Variants in LRRK1 observed in about 807,000 individuals in gnomAD.
LRRK1 encodes leucine-rich repeat serine/threonine-protein kinase 1.
In LRRK1, 113 loss-of-function variants were observed where a neutral mutation model predicts 209.1. The ratio of observed to expected loss-of-function variants is 0.54; its 90% confidence interval spans 0.46 to 0.63. LRRK1 has a LOEUF of 0.63. Ranked by LOEUF, LRRK1 falls within the 30% of genes least tolerant of loss-of-function variation. The pLI, the probability that LRRK1 is intolerant of heterozygous loss-of-function variation, is 0.00. For missense variants in LRRK1, 2,284 were observed against 2,632.2 expected, an observed-to-expected ratio of 0.87 and a Z score of 2.89; for synonymous variants, 1,144 against 1,099.7, an observed-to-expected ratio of 1.04 and a Z score of -0.80.
At chr15:101,058,168 C>G (rs546678047) in intron 29 of LRRK1, 27 bp downstream of exon 29, 16 of 1,609,930 alleles carry the variant, frequency 9.9e-6, no homozygotes, top group Admixed American at 6.7e-5. Flanking sequence ...TGCCCTGCCC[C>G]CTTTGTATTT....
intron 26 of LRRK1, among the ~76,000 whole-genome samples, 162 bp downstream of exon 26, chr15:101,053,582 G>A (rs1223428339): frequency 6.6e-6 from 1 of 152,224 alleles, no homozygotes; most frequent in Non-Finnish European, 1.5e-5. Context: ...CAGGCTCCCC[G>A]CCAGGTCCAG....
intron 31 of LRRK1, chr15:101,065,148 T>G: frequency 1.6e-6 from 1 of 609,352 alleles, no homozygotes; most frequent in South Asian, 2.0e-5. Context: ...GCTGCAGGGA[T>G]GGTAGATATG....
intron 29 of LRRK1, among the ~76,000 whole-genome samples, chr15:101,059,782 A>G (rs1012927449): frequency 1.1e-4 from 16 of 152,234 alleles, no homozygotes; most frequent in African/African-American, 3.9e-4. Flanking sequence ...TAGGACCCAG[A>G]CTGTGGTCTC....
intron 20 of LRRK1, among the ~76,000 whole-genome samples, chr15:101,042,236 T>G (rs912790713): frequency 4.7e-5 from 7 of 149,548 alleles, no homozygotes; most frequent in African/African-American, 1.7e-4. Context: ...GACAAGACTT[T>G]TGTTTATATG....
At chr15:101,054,886 T>A (rs2035704028) in intron 26 of LRRK1, 60 bp from the exon 27 acceptor site, 1 of 1,359,934 alleles carries the variant, frequency 7.4e-7, no homozygotes, top group South Asian at 1.4e-5. Flanking sequence ...GTTATCATGA[T>A]AATTTGATTC....
chr15:101,011,161 A>G (rs1233361701), intron 9 of LRRK1, among the ~76,000 whole-genome samples: 1 of 152,102 alleles, frequency 6.6e-6, no homozygotes, highest in Non-Finnish European at 1.5e-5. Flanking sequence ...CTTTTAGGAC[A>G]ACTATCACAT....
At chr15:101,059,600 T>TGGAAACATGAGCTAAAGGGGAAA (rs2036035494) in intron 29 of LRRK1, among the ~76,000 whole-genome samples, 1 of 148,070 alleles carries the variant, frequency 6.8e-6, no homozygotes, top group African/African-American at 2.6e-5. Flanking sequence ...TTGCTGTTGC[T>TGGAAACATGAGCTAAAGGGGAAA]GGAAACATGA....
intron 22 of LRRK1, among the ~76,000 whole-genome samples, 176 bp downstream of exon 22, chr15:101,048,833 G>A (rs892976694): frequency 5.3e-5 from 8 of 152,182 alleles, no homozygotes; most frequent in Admixed American, 1.3e-4. Flanking sequence ...CAGAGGCTCC[G>A]GTCTCCTCAC....
At chr15:100,952,114 A>G (rs1468725874) in intron 2 of LRRK1, among the ~76,000 whole-genome samples, 1 of 152,234 alleles carries the variant, frequency 6.6e-6, no homozygotes, top group Non-Finnish European at 1.5e-5. Flanking sequence ...TGACATGTTC[A>G]GAAGAGGCAA....
chr15:101,049,367 G>A (rs2035269367), intron 22 of LRRK1: 1 of 361,950 alleles, frequency 2.8e-6, no homozygotes, highest in Non-Finnish European at 5.0e-6. Flanking sequence ...AGGGAGGTCT[G>A]GGAACTTCCT....
chr15:101,023,252 C>T lies in LRRK1; in HGVS notation c.2067+655C>T, dbSNP rs568277349. 4.6e-5 allele frequency among the ~76,000 whole-genome samples: 7 copies of T among 152,280 alleles called. No individual in the cohort carries two copies. The East Asian group carries it at 1.3e-3, about 29-fold the overall frequency. ...TAAAATGAATCCATCACTGCTTGAA[C>T]CCGGGAGGTGGAGGTTGCAGTGAGC... On this transcript the variant is annotated intron_variant, in intron 15 of 33. Transcript: ENST00000388948.
chr15:101,070,308 CTTTTTTTT>C lies in LRRK1; in HGVS notation c.*1479_*1486del, dbSNP rs529158728. On this transcript the variant is annotated 3_prime_UTR_variant, in exon 34 of 34. Transcript: ENST00000388948. ...CTTGGAAAAAGCGAGTCCCCCCACTCTTTTTTTTTTTTTTTTTTTTTTTTTTACCAACC... is the reference window on the plus strand; with the variant it reads ...CTTGGAAAAAGCGAGTCCCCCCACTCTTTTTTTTTTTTTTTTTTACCAACC... 1.8e-3 allele frequency: 175 copies of C among 94,830 alleles called. 5 individuals carry two copies. In the South Asian group the frequency reaches 0.041, roughly 22 times the overall value. 5.9% of individuals were successfully genotyped at this position (94,830 alleles called of 1,614,324 possible).
At chr15:101,059,659 C>CT (rs2036041519) in intron 29 of LRRK1, among the ~76,000 whole-genome samples, 1 of 151,598 alleles carries the variant, frequency 6.6e-6, no homozygotes, top group Non-Finnish European at 1.5e-5. Context: ...GCCTGCAGTT[C>CT]TGAATCGATT....
chr15:101,018,178 T>TAAA (rs34360209), intron 12 of LRRK1, among the ~76,000 whole-genome samples: 3 of 126,610 alleles, frequency 2.4e-5, no homozygotes, highest in African/African-American at 6.0e-5. Context: ...CAAATTGATT[T>TAAA]AAAAAAAAAA....
Position 100,971,171 on chromosome 15 carries a change from T to A in LRRK1, c.98-2633T>A, listed in dbSNP as rs184029410. Reference sequence around the variant, plus strand: ...CAACATGGTGAAACCCCATCTCTACTAAAAATACAAAAATTAGCTGGACTT... The same window carrying A: ...CAACATGGTGAAACCCCATCTCTACAAAAAATACAAAAATTAGCTGGACTT... On this transcript the variant is annotated intron_variant, in intron 2 of 33. Coordinates refer to ENST00000388948, the MANE Select transcript of LRRK1 (RefSeq NM_024652.6). 7.5e-3 allele frequency among the ~76,000 whole-genome samples: 1,143 copies of A among 151,740 alleles called. 14 individuals are homozygous for A. Among genetic ancestry groups the A allele is most frequent in the African/African-American group, 0.025 (1,053 of 41,372 alleles).
Position 101,068,661 on chromosome 15 carries a change from C to T in LRRK1, c.5871-10C>T. On this transcript the variant is annotated splice_polypyrimidine_tract_variant and intron_variant, in intron 33 of 33. Coordinates refer to ENST00000388948, the MANE Select transcript of LRRK1 (RefSeq NM_024652.6). ...CCTGTGAGTTTCCTCAGACCCCCTT[C>T]TCTCTGCAGGGTGCTGGTGGATGCT... 6.4e-7 allele frequency: 1 copy of T among 1,568,104 alleles called. No individual in the cohort carries two copies. The highest frequency in any genetic ancestry group is 8.7e-7 in the Non-Finnish European group (1 of 1,153,848).
chr15:100,961,668 C>G (rs1252717884), intron 2 of LRRK1, among the ~76,000 whole-genome samples: 1 of 143,434 alleles, frequency 7.0e-6, no homozygotes, highest in Non-Finnish European at 1.5e-5. Context: ...AAAAAAAAAC[C>G]ATAGCAGTTG....
Position 101,045,101 on chromosome 15 carries a change from G to A in LRRK1, c.2964-880G>A, listed in dbSNP as rs185710550. On this transcript the variant is annotated intron_variant, in intron 20 of 33. Transcript: ENST00000388948. ...TATACCCATGTGTCAGAGCGTGTAA[G>A]TGAGAGCCGAGACTTGCGCCTGTAT... Among the ~76,000 whole-genome samples, 573 of 152,266 alleles carry A rather than the reference G, an allele frequency of 3.8e-3. 5 individuals are homozygous for A. Among genetic ancestry groups the A allele is most frequent in the African/African-American group, 0.013 (523 of 41,576 alleles).
intron 2 of LRRK1, among the ~76,000 whole-genome samples, chr15:100,940,121 G>T (rs1182257233): frequency 6.6e-6 from 1 of 152,098 alleles, no homozygotes; most frequent in Admixed American, 6.5e-5. Context: ...TGTGTCCTTT[G>T]CTGATGATGC....
Sources: gnomAD v4.1 joint callset for allele counts (sites outside exome capture counted in the v4.1 genomes callset) on GRCh38, gnomAD v4.1.1 for gene constraint, MANE v1.5 for transcripts, NCBI Gene and HGNC (gene_info 2026-07-23, HGNC 2026-07-21) for gene names.